Variants in GPR39 observed in about 807,000 individuals in gnomAD.
GPR39 encodes G protein-coupled receptor 39, also known as zinc sensing receptor.
GPR39 carries 23 observed loss-of-function variants against 18.4 expected under a neutral mutation model. The observed-to-expected ratio is 1.25, with a 90% CI of 0.90 to 1.77. The LOEUF is 1.77. Ranked by LOEUF, GPR39 falls within the 40% of genes most tolerant of loss-of-function variation. The pLI is 0.00. For missense variants in GPR39, 647 were observed against 602.4 expected (o/e 1.07, Z -0.78); for synonymous variants, 280 against 257.9 (o/e 1.09, Z -0.82).
chr2:132,485,683 G>C (rs1681322538), intron 1 of GPR39, among the ~76,000 whole-genome samples: 1 of 152,178 alleles, frequency 6.6e-6, no homozygotes, highest in South Asian at 2.1e-4. Flanking sequence ...GTTTGAATGA[G>C]ATTGTGGCAA....
intron 1 of GPR39, among the ~76,000 whole-genome samples, chr2:132,613,317 A>G (rs1002220288): frequency 1.3e-5 from 2 of 152,246 alleles, no homozygotes; most frequent in Non-Finnish European, 2.9e-5. Context: ...TATAAAACTT[A>G]AATAACTCTA....
chr2:132,620,532 C>T (rs952685243), intron 1 of GPR39, among the ~76,000 whole-genome samples: 12 of 152,166 alleles, frequency 7.9e-5, no homozygotes, highest in South Asian at 2.1e-4. Flanking sequence ...TGGGCTCAGA[C>T]GCCCCTCCTT....
At chr2:132,434,242 T>C (rs1680271977) in intron 1 of GPR39, among the ~76,000 whole-genome samples, 1 of 152,194 alleles carries the variant, frequency 6.6e-6, no homozygotes, top group African/African-American at 2.4e-5. Flanking sequence ...TCTACTGTTT[T>C]GTTCAAATGC....
chr2:132,511,420 A>C lies in GPR39; in HGVS notation c.856+93522A>C, dbSNP rs185447836. Among the ~76,000 whole-genome samples the C allele has an allele frequency of 1.9e-3, 282 of 152,344 alleles. 1 individual carries two copies. The highest frequency in any genetic ancestry group is 6.4e-3 in the African/African-American group (267 of 41,584). ...TTTATAATACATTCTTCAATACTAC[A>C]CTAATTTGAATGAAATATGTTAAGC... is the stretch of plus-strand genomic sequence containing the variant. On this transcript the variant is annotated intron_variant, in intron 1 of 1. Transcript: ENST00000329321.
intron 1 of GPR39, among the ~76,000 whole-genome samples, chr2:132,451,077 G>C (rs35427291): frequency 6.6e-6 from 1 of 151,926 alleles, no homozygotes; most frequent in Non-Finnish European, 1.5e-5. Flanking sequence ...AGGTAGAGGG[G>C]ATGCTATTTT....
At chr2:132,492,072 CAT>C (rs919054529) in intron 1 of GPR39, among the ~76,000 whole-genome samples, 1 of 150,052 alleles carries the variant, frequency 6.7e-6, no homozygotes, top group African/African-American at 2.5e-5. Context: ...GTATACACCA[CAT>C]ATATATACAC....
intron 1 of GPR39, among the ~76,000 whole-genome samples, chr2:132,475,513 A>G (rs1573620126): frequency 6.6e-6 from 1 of 151,956 alleles, no homozygotes; most frequent in Admixed American, 6.6e-5. Context: ...TCCTCTGGCA[A>G]TGGGGAGAAG....
chr2:132,439,894 A>G (rs1037545659), intron 1 of GPR39, among the ~76,000 whole-genome samples: 3 of 152,120 alleles, frequency 2.0e-5, no homozygotes, highest in African/African-American at 7.2e-5. Context: ...TGCTGTCTCC[A>G]GTTTCTCACA....
intron 1 of GPR39, among the ~76,000 whole-genome samples, chr2:132,553,626 G>A (rs1300623727): frequency 6.6e-6 from 1 of 152,032 alleles, no homozygotes; most frequent in Non-Finnish European, 1.5e-5. Context: ...CCCTGAGTGA[G>A]CACAGAGCTC....
At chr2:132,523,443 C>T (rs777976767) in intron 1 of GPR39, among the ~76,000 whole-genome samples, 5 of 151,960 alleles carry the variant, frequency 3.3e-5, no homozygotes, top group Non-Finnish European at 7.4e-5. Flanking sequence ...TATTGCCCAT[C>T]ATTGAGGTCC....
At chr2:132,469,494 C>G (rs1056680463) in intron 1 of GPR39, among the ~76,000 whole-genome samples, 1 of 152,200 alleles carries the variant, frequency 6.6e-6, no homozygotes, top group East Asian at 1.9e-4. Flanking sequence ...GTAATTGAAT[C>G]GCAAATAACA....
chr2:132,619,715 T>C (rs1681400678), intron 1 of GPR39, among the ~76,000 whole-genome samples: 1 of 152,094 alleles, frequency 6.6e-6, no homozygotes. Context: ...TGCACTGGCC[T>C]GGGTAGTTAG....
intron 1 of GPR39, among the ~76,000 whole-genome samples, chr2:132,519,736 A>G (rs1679390693): frequency 6.6e-6 from 1 of 152,194 alleles, no homozygotes; most frequent in Non-Finnish European, 1.5e-5. Flanking sequence ...TCTTGCCAGC[A>G]CACAAGGCCC....
At chr2:132,505,102 G>A (rs904569020) in intron 1 of GPR39, among the ~76,000 whole-genome samples, 1 of 152,192 alleles carries the variant, frequency 6.6e-6, no homozygotes, top group Non-Finnish European at 1.5e-5. Context: ...TTACAGTTAT[G>A]GAGGCTGAGA....
intron 1 of GPR39, among the ~76,000 whole-genome samples, chr2:132,518,617 C>T (rs1178072943): frequency 6.6e-6 from 1 of 152,044 alleles, no homozygotes; most frequent in African/African-American, 2.4e-5. Flanking sequence ...CTTGACAGTG[C>T]TTTTGAGTGA....
intron 1 of GPR39, among the ~76,000 whole-genome samples, chr2:132,596,676 A>T (rs372217891): frequency 9.2e-5 from 14 of 151,456 alleles, no homozygotes; most frequent in East Asian, 3.9e-4. Context: ...TGTGGCCTCT[A>T]CCTCTATTTT....
intron 1 of GPR39, among the ~76,000 whole-genome samples, chr2:132,633,577 A>G (rs944940365): frequency 5.3e-5 from 8 of 152,128 alleles, no homozygotes; most frequent in Admixed American, 3.3e-4. Context: ...AAGGTATCTG[A>G]CATCCTGTGG....
At chr2:132,423,566 G>A (rs1353438608) in intron 1 of GPR39, among the ~76,000 whole-genome samples, 1 of 152,196 alleles carries the variant, frequency 6.6e-6, no homozygotes, top group Non-Finnish European at 1.5e-5. Flanking sequence ...CTGTGTATGG[G>A]TTGTTTCCTC....
intron 1 of GPR39, among the ~76,000 whole-genome samples, chr2:132,472,112 C>A (rs1681043287): frequency 6.6e-6 from 1 of 152,088 alleles, no homozygotes; most frequent in Non-Finnish European, 1.5e-5. Context: ...TGAGCAGGAG[C>A]CCATGATGTT....
Sources: allele counts gnomAD v4.1 joint callset (sites outside exome capture counted in the v4.1 genomes callset), GRCh38; gene constraint gnomAD v4.1.1; transcripts MANE v1.5; gene names NCBI Gene and HGNC (gene_info 2026-07-23, HGNC 2026-07-21).